IQCN: variants seen among roughly 807,000 people sequenced by gnomAD.
IQCN encodes IQ domain-containing protein N.
A neutral mutation model predicts 64.4 loss-of-function variants in IQCN; 46 were observed. That is an observed-to-expected ratio of 0.71 (90% CI 0.56 to 0.91). IQCN has a LOEUF of 0.91. Among genes scored for constraint, IQCN ranks in the 40% least tolerant of loss-of-function variants. The pLI is 0.00. For missense variants in IQCN, 1,753 were observed against 1,857.4 expected (o/e 0.94, Z 1.03); for synonymous variants, 733 against 775.6 (o/e 0.95, Z 0.91).
intron 3 of IQCN, chr19:18,261,223 G>A (rs899047668): frequency 6.5e-6 from 1 of 152,864 alleles, no homozygotes; most frequent in African/African-American, 2.4e-5. Context: ...GCTACACTTG[G>A]GGACACCCCA....
chr19:18,263,218 T>G (rs551384498), intron 3 of IQCN, among the ~76,000 whole-genome samples: 1 of 152,244 alleles, frequency 6.6e-6, no homozygotes, highest in South Asian at 2.1e-4. Context: ...TCTATCTTGT[T>G]GACGGCAGGC....
rs1036548042 is a variant in IQCN, at chr19:18,264,863, C to T, written c.2677G>A (p.Asp893Asn). The T allele has an allele frequency of 2.5e-6, 4 of 1,608,130 alleles. No individual in the cohort carries two copies. The Admixed American group carries it at 5.1e-5, about 20-fold the overall frequency. The change falls in exon 3 of 4, where the codon GAT becomes AAT. Residue 893 changes from aspartate (D) to asparagine (N), a missense_variant. Asp to Asn is a conservative substitution (Grantham distance 23). Coordinates refer to ENST00000392413, the MANE Select transcript of IQCN (RefSeq NM_001145304.2). This position sits in a 1 kb window ranked among gnomAD's most constrained non-coding sequence, Gnocchi z 4.3. ...EVAGVLASQEDLRTLLAKALS... is the reference protein window; with the variant it reads ...EVAGVLASQENLRTLLAKALS... ...GCTTTGGCCAACAGAGTGCGGAGAT[C>T]CTCCTGGGATGCCAGCACACCAGCT...
At chr19:18,271,983 G>GTTTGT (rs999991826) in intron 1 of IQCN, among the ~76,000 whole-genome samples, 4 of 151,310 alleles carry the variant, frequency 2.6e-5, no homozygotes, top group East Asian at 1.9e-4. Context: ...AGCTAATTTT[G>GTTTGT]TTTGTTTTGT....
chr19:18,265,638 C>A lies in IQCN; in HGVS notation c.1902G>T (p.Trp634Cys), dbSNP rs1018171088. ...TGTCCCCTTCCTCAGCAACTTTTGT[C>A]CAGGATGGAGCCCCAGCCATTTCCA... The part of the protein sequence containing the change: ...VAVEMAGAPS[W>C]TKVAEEGDKP... Residue 634 changes from tryptophan (W) to cysteine (C), a missense_variant, in exon 3 of 4, where the codon TGG (tryptophan) becomes TGT (cysteine). By Grantham distance (215) the Trp-to-Cys change is radical. Coordinates refer to ENST00000392413, the MANE Select transcript of IQCN (RefSeq NM_001145304.2). This position sits in a 1 kb window ranked among gnomAD's most constrained non-coding sequence, Gnocchi z 4.7. 3.7e-6 allele frequency: 6 copies of A among 1,614,012 alleles called. No individual in the cohort carries two copies. The African/African-American group carries it at 5.3e-5, about 14-fold the overall frequency.
At chr19:18,263,727 C>T (rs752949358) in intron 3 of IQCN, among the ~76,000 whole-genome samples, 1 of 152,054 alleles carries the variant, frequency 6.6e-6, no homozygotes, top group Non-Finnish European at 1.5e-5. Flanking sequence ...GTAGAGACCA[C>T]GATGTACCCC....
chr19:18,272,869 C>CA, intron 1 of IQCN, among the ~76,000 whole-genome samples: 2 of 152,204 alleles, frequency 1.3e-5, no homozygotes, highest in East Asian at 3.9e-4. Context: ...CTCGGCCTCC[C>CA]AAAGTGCTGG....
intron 1 of IQCN, among the ~76,000 whole-genome samples, chr19:18,272,471 G>C (rs968374571): frequency 6.6e-6 from 1 of 151,876 alleles, no homozygotes; most frequent in African/African-American, 2.4e-5. Flanking sequence ...GCTGCAGAAA[G>C]GTTTTCACCA....
In IQCN at chr19:18,257,838, C is replaced by T; in HGVS notation, c.3446G>A (p.Gly1149Asp). The change falls in exon 4 of 4, where the codon GGC (glycine) becomes GAC (aspartate). Residue 1149 changes from glycine (G) to aspartate (D), a missense_variant. Gly to Asp is a moderately conservative substitution (Grantham distance 94). Transcript: ENST00000392413. ...GAMVIQATWR[G>D]YRVRRNLAHL... is the part of the protein sequence containing the mutation. Reference sequence around the variant, plus strand: ...TGCCAGGTTCCGCCGCACACGGTAGCCGCGCCAAGTAGCTTGGATGACCAT... The same window carrying T: ...TGCCAGGTTCCGCCGCACACGGTAGTCGCGCCAAGTAGCTTGGATGACCAT... 3.1e-6 allele frequency: 5 copies of T among 1,611,528 alleles called. No homozygotes were observed. Among genetic ancestry groups the T allele is most frequent in the Non-Finnish European group, 4.2e-6 (5 of 1,179,752 alleles).
intron 1 of IQCN, 154 bp from the exon 2 acceptor site, chr19:18,269,741 C>G: frequency 2.0e-6 from 1 of 493,940 alleles, no homozygotes; most frequent in Non-Finnish European, 3.6e-6. Context: ...AGAAATCAAA[C>G]AAAACAACTG....
intron 1 of IQCN, among the ~76,000 whole-genome samples, chr19:18,270,807 G>A (rs888858423): frequency 6.1e-5 from 9 of 148,418 alleles, no homozygotes; most frequent in Admixed American, 2.1e-4. Flanking sequence ...TGTAAGCCAC[G>A]GTGCCTGGCT....
rs760408946 is a variant in IQCN, at chr19:18,267,485, G to A, written c.55C>T (p.Arg19Cys). Reference sequence around the variant, plus strand: ...ACTGGCTCGTGAACTGTAGCTAGGCGGCCGGCTGCATTGCCTTGATTACCG... The same window carrying A: ...ACTGGCTCGTGAACTGTAGCTAGGCAGCCGGCTGCATTGCCTTGATTACCG... Reference protein sequence around the residue: ...LSGNQGNAAGRLATVHEPVVT... With the variant: ...LSGNQGNAAGCLATVHEPVVT... The change falls in exon 3 of 4, where the codon CGC (arginine) becomes TGC (cysteine). Residue 19 changes from arginine to cysteine, a missense_variant. Physicochemically the swap from Arg to Cys is radical, Grantham distance 180. Coordinates refer to ENST00000392413, the MANE Select transcript of IQCN (RefSeq NM_001145304.2). 44 of 1,529,666 alleles carry A rather than the reference G, an allele frequency of 2.9e-5. No individual in the cohort carries two copies. The highest frequency in any genetic ancestry group is 2.0e-4 in the Admixed American group (9 of 46,064). The allele number at this position is 1,529,666 out of a possible 1,614,324, so 94.8% of individuals were successfully genotyped here.
rs1330673693 is a variant in IQCN at position 18,265,043 on chromosome 19, C to A, written c.2497G>T (p.Val833Leu). ...PAACEVQGML[V>L]PPMAPTGHST... ...TGGCCGGTGGGTGCCATCGGCGGCA[C>A]CAGCATACCCTGGACCTCACAGGCT... The change falls in exon 3 of 4, where the codon GTG becomes TTG. Residue 833 changes from valine (V) to leucine (L), a missense_variant. Physicochemically the swap from Val to Leu is conservative, Grantham distance 32 (BLOSUM62 1). Coordinates refer to ENST00000392413, the MANE Select transcript of IQCN (RefSeq NM_001145304.2). This position sits in a 1 kb window ranked among gnomAD's most constrained non-coding sequence, Gnocchi z 4.7. The A allele has an allele frequency of 6.2e-7, 1 of 1,600,974 alleles. No homozygotes were observed. Among genetic ancestry groups the A allele is most frequent in the East Asian group, 2.2e-5 (1 of 44,862 alleles).
Position 18,257,449 on chromosome 19 carries a change from C to G in IQCN, c.3835G>C (p.Gly1279Arg). ...TAGGCGGAGGCCCAAGACACTGCCCCGGGGCCCTCAGTGCCCTGGCCCATG... is the reference window on the plus strand; with the variant it reads ...TAGGCGGAGGCCCAAGACACTGCCCGGGGGCCCTCAGTGCCCTGGCCCATG... ...QGMGQGTEGP[G>R]AVSWASAYQL... The change falls in exon 4 of 4, where the codon GGG becomes CGG. Residue 1279 changes from glycine (G) to arginine (R), a missense_variant. Transcript: ENST00000392413. The G allele has an allele frequency of 1.2e-6, 2 of 1,608,462 alleles. No homozygotes were observed. Among genetic ancestry groups the G allele is most frequent in the South Asian group, 1.1e-5 (1 of 90,764 alleles).
intron 3 of IQCN, 130 bp from the exon 4 acceptor site, chr19:18,258,236 A>G: frequency 1.0e-6 from 1 of 1,003,864 alleles, no homozygotes; most frequent in East Asian, 2.6e-5. Context: ...GGGAAGACTC[A>G]TAGCCTAGAG....
chr19:18,257,921 C>T lies in IQCN; in HGVS notation c.3363G>A (p.Gln1121=). The change falls in exon 4 of 4, where the codon CAG becomes CAA. Residue 1121 remains glutamine, a synonymous_variant. Transcript: ENST00000392413. ...EIRILAVITI[Q]AGVRGYLARR... is the part of the protein sequence containing the mutation. ...GCGCCAGGTAGCCACGGACGCCCGC[C>T]TGGATAGTGATCACTGCGAGGATGC... The T allele has an allele frequency of 6.2e-7, 1 of 1,612,874 alleles. No individual in the cohort carries two copies. Among genetic ancestry groups the T allele is most frequent in the South Asian group, 1.1e-5 (1 of 91,082 alleles).
chr19:18,264,645 C>T lies in IQCN; in HGVS notation c.2895G>A (p.Lys965=), dbSNP rs1157095157. 3.2e-6 allele frequency: 5 copies of T among 1,551,286 alleles called. No homozygotes were observed. The highest frequency in any genetic ancestry group is 4.4e-6 in the Non-Finnish European group (5 of 1,146,982). The change falls in exon 3 of 4, where the codon AAG becomes AAA. Residue 965 remains lysine (K), a synonymous_variant. Coordinates refer to ENST00000392413, the MANE Select transcript of IQCN (RefSeq NM_001145304.2). The surrounding 1 kb of genome is among the most constrained non-coding windows in gnomAD (Gnocchi z 4.3). ...SRGELRAELT[K]VMQGKLAEVL... is the part of the protein sequence containing the mutation. ...CCTCGGCCAATTTACCCTGCATGAC[C>T]TTGGTGAGTTCCGCCCGCAGCTCGC...
At position 18,257,613 on chromosome 19, in the gene IQCN, C is replaced by G. The variant is rs1382875655; in HGVS notation, c.3671G>C (p.Cys1224Ser). 6.2e-7 allele frequency: 1 copy of G among 1,612,810 alleles called. No individual in the cohort carries two copies. The highest frequency in any genetic ancestry group is 1.7e-5 in the Admixed American group (1 of 60,022). ...TVSDHRCFQS[C>S]QAHACSVCHS... ...GCAGACGCTGCAAGCGTGTGCCTGGCAGGACTGGAAGCAGCGATGGTCAGA... is the reference window on the plus strand; with the variant it reads ...GCAGACGCTGCAAGCGTGTGCCTGGGAGGACTGGAAGCAGCGATGGTCAGA... The change falls in exon 4 of 4, where the codon TGC becomes TCC. Residue 1224 changes from cysteine (C) to serine (S), a missense_variant. Cys to Ser is a moderately radical substitution (Grantham distance 112). Coordinates refer to ENST00000392413, the MANE Select transcript of IQCN (RefSeq NM_001145304.2).
At chr19:18,269,623 G>C in intron 1 of IQCN, 36 bp from the exon 2 acceptor site, 1 of 496,034 alleles carries the variant, frequency 2.0e-6, no homozygotes. Context: ...AATGTTAAAA[G>C]CAAAAATGCT....
intron 3 of IQCN, chr19:18,260,114 A>G (rs1302733553): frequency 1.3e-5 from 2 of 152,544 alleles, no homozygotes; most frequent in Non-Finnish European, 2.9e-5. Context: ...CCTCATCAGC[A>G]TGAGAGAGAT....
Sources: allele counts gnomAD v4.1 joint callset (sites outside exome capture counted in the v4.1 genomes callset), GRCh38; gene constraint gnomAD v4.1.1; non-coding constraint Gnocchi (gnomAD v3.1); transcripts MANE v1.5; gene names NCBI Gene and HGNC (gene_info 2026-07-23, HGNC 2026-07-21).